Variants in TTC23 observed in about 807,000 individuals in gnomAD.
TTC23 encodes tetratricopeptide repeat protein 23.
A neutral mutation model predicts 55.1 loss-of-function variants in TTC23; 58 were observed. That is an observed-to-expected ratio of 1.05 (90% CI 0.85 to 1.31). The LOEUF (loss-of-function observed/expected upper bound fraction) is 1.31, where lower values mean the gene tolerates loss of function less well. TTC23 is among the 50% of genes most tolerant of loss of function. The pLI is 0.00. For missense variants in TTC23, 516 were observed against 534.4 expected (o/e 0.97, Z 0.34); for synonymous variants, 203 against 199.9 (o/e 1.02, Z -0.13).
At chr15:99,183,121 T>C (rs937868737) in intron 9 of TTC23, among the ~76,000 whole-genome samples, 1 of 152,148 alleles carries the variant, frequency 6.6e-6, no homozygotes, top group African/African-American at 2.4e-5. Context: ...TTGGCCAAAA[T>C]GCTGATAGTG....
At chr15:99,246,090 G>A (rs2080218917) in intron 1 of TTC23, among the ~76,000 whole-genome samples, 1 of 152,106 alleles carries the variant, frequency 6.6e-6, no homozygotes, top group Admixed American at 6.5e-5. Flanking sequence ...GATTACAGGT[G>A]TGAGTCACAG....
chr15:99,151,239 C>A (rs530242418), intron 12 of TTC23: 1 of 152,492 alleles, frequency 6.6e-6, no homozygotes, highest in African/African-American at 2.4e-5. Flanking sequence ...TCCTGTGCCA[C>A]CTCCACCCCA....
intron 6 of TTC23, among the ~76,000 whole-genome samples, chr15:99,219,781 C>T (rs1202651702): frequency 1.3e-5 from 2 of 152,132 alleles, no homozygotes; most frequent in African/African-American, 4.8e-5. Context: ...TCCCCTACAC[C>T]GACAACCACT....
chr15:99,193,277 G>A (rs1397011347), intron 9 of TTC23, among the ~76,000 whole-genome samples: 1 of 152,162 alleles, frequency 6.6e-6, no homozygotes. Flanking sequence ...AGAGGCCGGG[G>A]GCAGAATGAT....
At chr15:99,204,875 A>T (rs1258191414) in intron 8 of TTC23, among the ~76,000 whole-genome samples, 2 of 151,994 alleles carry the variant, frequency 1.3e-5, no homozygotes, top group African/African-American at 4.8e-5. Flanking sequence ...TGCTCAAGCA[A>T]TCTTCCTGCC....
intron 9 of TTC23, among the ~76,000 whole-genome samples, chr15:99,184,144 A>C (rs542379384): frequency 1.3e-5 from 2 of 152,332 alleles, no homozygotes; most frequent in East Asian, 3.9e-4. Flanking sequence ...GTGTCCAGGC[A>C]GAAGTGTGCT....
At chr15:99,221,075 C>T (rs779787899) in intron 6 of TTC23, among the ~76,000 whole-genome samples, 4 of 152,152 alleles carry the variant, frequency 2.6e-5, no homozygotes, top group African/African-American at 4.8e-5. Flanking sequence ...TCCCAAATCC[C>T]GGGATTTTGG....
At chr15:99,182,059 A>G (rs968202551) in intron 9 of TTC23, among the ~76,000 whole-genome samples, 5 of 152,172 alleles carry the variant, frequency 3.3e-5, no homozygotes, top group Non-Finnish European at 7.3e-5. Context: ...TAGATTTTTA[A>G]ATGATAAGAG....
intron 6 of TTC23, among the ~76,000 whole-genome samples, chr15:99,220,303 G>A (rs1282544737): frequency 6.6e-6 from 1 of 152,176 alleles, no homozygotes; most frequent in Non-Finnish European, 1.5e-5. Flanking sequence ...AACATGCCTG[G>A]CACCAAATGA....
At chr15:99,155,046 C>G (rs1386392424) in intron 12 of TTC23, among the ~76,000 whole-genome samples, 1 of 151,952 alleles carries the variant, frequency 6.6e-6, no homozygotes, top group Non-Finnish European at 1.5e-5. Context: ...TAATAGAATA[C>G]CCCCAAAACC....
At chr15:99,246,756 T>C (rs61649590) in intron 1 of TTC23, among the ~76,000 whole-genome samples, 2 of 151,608 alleles carry the variant, frequency 1.3e-5, no homozygotes, top group African/African-American at 4.8e-5. Context: ...CCGTCTCTAC[T>C]AAAAATACAA....
In TTC23 at chr15:99,156,267, C is replaced by T; in HGVS notation, c.1024G>A (p.Glu342Lys). The T allele has an allele frequency of 6.2e-7, 1 of 1,614,160 alleles. No individual in the cohort carries two copies. The highest frequency in any genetic ancestry group is 8.5e-7 in the Non-Finnish European group (1 of 1,180,020). ...TCGCCAAATGCTTCCACTTTGGCTTCCAGGGACTCTCTCAGGATCGAGGTT... is the reference window on the plus strand; with the variant it reads ...TCGCCAAATGCTTCCACTTTGGCTTTCAGGGACTCTCTCAGGATCGAGGTT... ...RATSILRESLEAKVEAFGDFS... is the reference protein window; with the variant it reads ...RATSILRESLKAKVEAFGDFS... The change falls in exon 12 of 14, where the codon GAA becomes AAA. Residue 342 changes from glutamate (E) to lysine (K), a missense_variant. Transcript: ENST00000394132.
Position 99,166,142 on chromosome 15 carries a change from G to A in TTC23, c.866-4275C>T, listed in dbSNP as rs139321995. On this transcript the variant is annotated intron_variant, in intron 10 of 13. Transcript: ENST00000394132. Reference sequence around the variant, plus strand: ...GCAGCACTGCCATGCTCAGGGAAAGGCAGAGGCCAAAAGGGCTAGGGGGCA... The same window carrying A: ...GCAGCACTGCCATGCTCAGGGAAAGACAGAGGCCAAAAGGGCTAGGGGGCA... 2.8e-3 allele frequency among the ~76,000 whole-genome samples: 431 copies of A among 152,288 alleles called. 1 individual carries two copies. Among genetic ancestry groups the A allele is most frequent in the African/African-American group, 8.6e-3 (359 of 41,554 alleles).
chr15:99,182,253 C>T (rs2074217245), intron 9 of TTC23, among the ~76,000 whole-genome samples: 1 of 40,898 alleles, frequency 2.4e-5, no homozygotes, highest in Non-Finnish European at 5.7e-5. Context: ...CTCTCTCACA[C>T]ACACACACAC....
intron 12 of TTC23, among the ~76,000 whole-genome samples, chr15:99,141,847 T>C (rs562296244): frequency 1.3e-5 from 2 of 152,300 alleles, no homozygotes; most frequent in South Asian, 4.1e-4. Flanking sequence ...TAACAGAAAA[T>C]ATTCACTATT....
chr15:99,244,651 T>C (rs1041115995), intron 2 of TTC23, among the ~76,000 whole-genome samples: 7 of 152,134 alleles, frequency 4.6e-5, no homozygotes, highest in Admixed American at 1.3e-4. Flanking sequence ...TCTAAATACA[T>C]GGACATTCCA....
At position 99,170,232 on chromosome 15, in the gene TTC23, G is replaced by C. The variant is rs150640168; in HGVS notation, c.865+4818C>G. On this transcript the variant is annotated intron_variant, in intron 10 of 13. Transcript: ENST00000394132. ...CAGTTTTGTCTGCATAAGGAATACA[G>C]GGAAGGCACAGAGCAAAGGGATCAG... 1.2e-3 allele frequency among the ~76,000 whole-genome samples: 179 copies of C among 152,240 alleles called. 3 individuals are homozygous for C. The highest frequency in any genetic ancestry group is 7.7e-3 in the South Asian group (37 of 4,826).
At chr15:99,181,655 T>C (rs980359957) in intron 9 of TTC23, among the ~76,000 whole-genome samples, 6 of 152,182 alleles carry the variant, frequency 3.9e-5, no homozygotes, top group Admixed American at 1.3e-4. Flanking sequence ...CAGGGTCACG[T>C]TGCAGCCCCG....
intron 13 of TTC23, among the ~76,000 whole-genome samples, chr15:99,138,578 G>A (rs1012875891): frequency 2.0e-5 from 3 of 152,224 alleles, no homozygotes; most frequent in Non-Finnish European, 4.4e-5. Context: ...CTCCCAAGGT[G>A]CTGGGATTAT....
Sources: gnomAD v4.1 joint callset for allele counts (sites outside exome capture counted in the v4.1 genomes callset) on GRCh38, gnomAD v4.1.1 for gene constraint, MANE v1.5 for transcripts, NCBI Gene and HGNC (gene_info 2026-07-23, HGNC 2026-07-21) for gene names.